Variants in SGCZ observed in about 807,000 individuals in gnomAD.
SGCZ encodes sarcoglycan zeta.
Under a neutral mutation model 41.3 loss-of-function variants are expected in SGCZ, and 40 were observed. The ratio of observed to expected loss-of-function variants is 0.97; its 90% CI spans 0.75 to 1.26. The LOEUF (loss-of-function observed/expected upper bound fraction) is 1.26, where lower values mean the gene tolerates loss of function less well. Among genes scored for constraint, SGCZ ranks in the 50% most tolerant of loss-of-function variants. The probability of loss-of-function intolerance (pLI) is 0.00; values close to 1 mark genes in which losing one functional copy is unlikely to be tolerated. For missense variants in SGCZ, 552 were observed against 369.8 expected (o/e 1.49, Z -4.04); for synonymous variants, 206 against 137.5 (o/e 1.50, Z -3.49).
rs575228339 is a variant in SGCZ at position 14,334,327 on chromosome 8, G to C, written c.235-10123C>G. 2.6e-5 allele frequency among the ~76,000 whole-genome samples: 4 copies of C among 152,046 alleles called. No individual in the cohort carries two copies. The South Asian group carries it at 8.3e-4, about 32-fold the overall frequency. On this transcript the variant is annotated intron_variant, in intron 2 of 7. Transcript: ENST00000382080. ...GCACTTCAGCAGATATTGAGCCTAT[G>C]ACACATCACAACAATCCTGTAAAAC... is the stretch of plus-strand genomic sequence containing the variant.
At chr8:14,871,835 TATATGTATGTATATATATGC>T (rs1197568951) in intron 1 of SGCZ, among the ~76,000 whole-genome samples, 5 of 151,148 alleles carry the variant, frequency 3.3e-5, no homozygotes, top group Admixed American at 1.3e-4. Flanking sequence ...TATATATATA[TATATGTATGTATATATATGC>T]ATGTATGTAT....
At chr8:14,101,529 G>C (rs1358830435) in intron 7 of SGCZ, among the ~76,000 whole-genome samples, 2 of 152,178 alleles carry the variant, frequency 1.3e-5, no homozygotes, top group African/African-American at 2.4e-5. Context: ...ATTATTTAAA[G>C]CAGACAGCAG....
At chr8:14,614,213 G>A (rs1402684393) in intron 1 of SGCZ, among the ~76,000 whole-genome samples, 12 of 152,082 alleles carry the variant, frequency 7.9e-5, no homozygotes, top group Non-Finnish European at 1.6e-4. Flanking sequence ...CTTTAGAACC[G>A]AAAATGAATT....
At chr8:14,420,125 T>A (rs1421706517) in intron 2 of SGCZ, among the ~76,000 whole-genome samples, 1 of 152,102 alleles carries the variant, frequency 6.6e-6, no homozygotes, top group African/African-American at 2.4e-5. Flanking sequence ...TTAAACTGCA[T>A]TGAAGGGCTT....
At chr8:14,612,690 T>C (rs942426134) in intron 1 of SGCZ, among the ~76,000 whole-genome samples, 1 of 152,000 alleles carries the variant, frequency 6.6e-6, no homozygotes, top group African/African-American at 2.4e-5. Flanking sequence ...TTTTGTTTTG[T>C]TTTGTTTTGT....
intron 2 of SGCZ, among the ~76,000 whole-genome samples, chr8:14,440,602 T>C (rs1800221508): frequency 6.6e-6 from 1 of 152,106 alleles, no homozygotes; most frequent in Non-Finnish European, 1.5e-5. Context: ...TTGTTAAAAT[T>C]GTTAAATAAT....
At chr8:14,326,111 C>CAAAAAAAAAA (rs56152915) in intron 2 of SGCZ, among the ~76,000 whole-genome samples, 1,969 of 37,788 alleles carry the variant, frequency 0.052, 627 homozygotes, top group African/African-American at 0.17. Flanking sequence ...GACTCCGTCT[C>CAAAAAAAAAA]AAAAAAAAAA....
In SGCZ at chr8:14,333,431, T is replaced by C. The variant is rs574519899; in HGVS notation, c.235-9227A>G. Among the ~76,000 whole-genome samples the C allele has an allele frequency of 9.9e-5, 15 of 152,216 alleles. 1 individual carries two copies. In the South Asian group the frequency reaches 3.1e-3, roughly 32 times the overall value. On this transcript the variant is annotated intron_variant, in intron 2 of 7. Transcript: ENST00000382080. ...GAGGGACTTCCATATGTTAATCTTT[T>C]AACAAGGCAATAAAGACTAAAGGTT...
At chr8:14,929,566 A>G (rs1010262450) in intron 1 of SGCZ, among the ~76,000 whole-genome samples, 3 of 152,022 alleles carry the variant, frequency 2.0e-5, no homozygotes, top group Non-Finnish European at 4.4e-5. Context: ...AAATAAATTC[A>G]AATATAATTT....
chr8:14,204,601 G>A (rs1188423740), intron 4 of SGCZ, among the ~76,000 whole-genome samples: 1 of 152,130 alleles, frequency 6.6e-6, no homozygotes. Flanking sequence ...TGTTTCAGAG[G>A]AGATTGTGTA....
intron 1 of SGCZ, among the ~76,000 whole-genome samples, chr8:15,205,605 C>G (rs1801033145): frequency 6.6e-6 from 1 of 152,042 alleles, no homozygotes; most frequent in South Asian, 2.1e-4. Context: ...CAAAAAATAA[C>G]AGATGCTGGT....
intron 3 of SGCZ, among the ~76,000 whole-genome samples, chr8:14,294,333 T>C (rs532829265): frequency 1.3e-5 from 2 of 151,904 alleles, no homozygotes; most frequent in African/African-American, 4.8e-5. Context: ...CTATGTAATC[T>C]AAAAGTCACA....
At chr8:14,823,055 T>TAAAAAAA (rs34307530) in intron 1 of SGCZ, among the ~76,000 whole-genome samples, 7 of 75,480 alleles carry the variant, frequency 9.3e-5, no homozygotes, top group East Asian at 4.7e-4. Flanking sequence ...CCAATCCTCA[T>TAAAAAAA]AAAAAAAAAA....
chr8:14,102,458 C>CGGGGAGCTT lies in SGCZ; in HGVS notation c.653_661dup (p.Pro220_Arg221insGlnAlaPro). 6.7e-7 allele frequency: 1 copy of CGGGGAGCTT among 1,499,936 alleles called. No homozygotes were observed. Among genetic ancestry groups the CGGGGAGCTT allele is most frequent in the Middle Eastern group, 2.0e-4 (1 of 5,120 alleles). The allele number at this position is 1,499,936 out of a possible 1,614,324, so 92.9% of individuals were successfully genotyped here. On this transcript the variant is annotated inframe_insertion, in exon 7 of 8. Coordinates refer to ENST00000382080, the MANE Select transcript of SGCZ (RefSeq NM_139167.4). ...TGCAGCAGCACTCACCTGGACCCCA[C>CGGGGAGCTT]GGGGAGCTTCCATGATCAAGGATCT...
intron 1 of SGCZ, among the ~76,000 whole-genome samples, chr8:15,150,045 C>T (rs1799136019): frequency 6.6e-6 from 1 of 151,986 alleles, no homozygotes; most frequent in Admixed American, 6.6e-5. Context: ...GTCAAACAGC[C>T]ACCTGTGCAA....
intron 1 of SGCZ, among the ~76,000 whole-genome samples, chr8:14,991,475 C>G (rs575582193): frequency 6.6e-6 from 1 of 152,110 alleles, no homozygotes. Context: ...AATTCTAGGG[C>G]TTTGAGTGGC....
At chr8:15,108,734 G>C (rs189822321) in intron 1 of SGCZ, among the ~76,000 whole-genome samples, 1 of 152,160 alleles carries the variant, frequency 6.6e-6, no homozygotes, top group East Asian at 1.9e-4. Context: ...AGAATGAATA[G>C]AAATCATTAT....
intron 1 of SGCZ, among the ~76,000 whole-genome samples, chr8:15,130,243 T>C (rs1433311125): frequency 6.6e-6 from 1 of 152,104 alleles, no homozygotes; most frequent in Non-Finnish European, 1.5e-5. Context: ...TGTGGTGTGA[T>C]GGCTAAGTGG....
chr8:15,033,010 G>T (rs541921028), intron 1 of SGCZ, among the ~76,000 whole-genome samples: 7 of 152,040 alleles, frequency 4.6e-5, no homozygotes, highest in African/African-American at 1.7e-4. Context: ...AAGGCAACAG[G>T]CCAGCGCCTG....
Sources: gnomAD v4.1 joint callset for allele counts (sites outside exome capture counted in the v4.1 genomes callset) on GRCh38, gnomAD v4.1.1 for gene constraint, MANE v1.5 for transcripts, NCBI Gene and HGNC (gene_info 2026-07-23, HGNC 2026-07-21) for gene names.